Variants in CFAP20DC observed in about 807,000 individuals in gnomAD.
The protein encoded by CFAP20DC is CFAP20 domain containing, also known as protein CFAP20DC.
A neutral mutation model predicts 101.7 loss-of-function variants in CFAP20DC; 84 were observed. That is an observed-to-expected ratio of 0.83 (90% confidence interval 0.69 to 0.99). The LOEUF is 0.99. Among genes scored for constraint, CFAP20DC ranks in the 50% least tolerant of loss-of-function variants. CFAP20DC has a pLI of 0.00. For synonymous variants in CFAP20DC, 359 were observed against 351.2 expected, an observed-to-expected ratio of 1.02 and a Z score of -0.25; for missense variants, 1,007 against 970.3, an observed-to-expected ratio of 1.04 and a Z score of -0.50.
Position 58,935,755 on chromosome 3 carries a change from C to A in CFAP20DC, c.393+1893G>T, listed in dbSNP as rs2087480541. 2.0e-5 allele frequency among the ~76,000 whole-genome samples: 3 copies of A among 152,168 alleles called. 1 individual carries two copies. In the South Asian group the frequency reaches 6.2e-4, roughly 32 times the overall value. Reference sequence around the variant, plus strand: ...CTGAAACTGGATCCCTTCCTTACATCTTATACAAAAATTAATTCAAGGTGG... The same window carrying A: ...CTGAAACTGGATCCCTTCCTTACATATTATACAAAAATTAATTCAAGGTGG... On this transcript the variant is annotated intron_variant, in intron 5 of 16. Coordinates refer to ENST00000482387, the MANE Select transcript of CFAP20DC (RefSeq NM_001394063.1).
At chr3:58,994,031 T>A (rs933016204) in intron 4 of CFAP20DC, among the ~76,000 whole-genome samples, 1 of 152,220 alleles carries the variant, frequency 6.6e-6, no homozygotes, top group African/African-American at 2.4e-5. Context: ...ATGGTTGAAC[T>A]AACTTACACC....
intron 15 of CFAP20DC, among the ~76,000 whole-genome samples, chr3:58,775,059 C>T (rs1438360127): frequency 1.3e-5 from 2 of 152,120 alleles, no homozygotes; most frequent in Non-Finnish European, 2.9e-5. Context: ...AGGATGTGCA[C>T]CCATGACGCA....
At chr3:58,823,334 A>G (rs536637454) in intron 14 of CFAP20DC, among the ~76,000 whole-genome samples, 6 of 152,182 alleles carry the variant, frequency 3.9e-5, no homozygotes, top group Non-Finnish European at 8.8e-5. Flanking sequence ...GAAAGCACCA[A>G]TGAAATAATA....
At chr3:59,023,029 C>T (rs752566457) in intron 4 of CFAP20DC, among the ~76,000 whole-genome samples, 5 of 152,090 alleles carry the variant, frequency 3.3e-5, no homozygotes, top group Admixed American at 6.6e-5. Context: ...GAGAAATGCA[C>T]TTCATACATG....
Position 58,919,638 on chromosome 3 carries a change from C to G in CFAP20DC, c.394-5774G>C, listed in dbSNP as rs547114220. On this transcript the variant is annotated intron_variant, in intron 5 of 16. Transcript: ENST00000482387. The stretch of plus-strand genomic sequence containing the variant: ...CAAATAGTCTTGCAATCCATGAACA[C>G]AGTATCTCTCTCCATTTATGTAGGT... 4.6e-5 allele frequency among the ~76,000 whole-genome samples: 7 copies of G among 152,304 alleles called. No homozygotes were observed. In the East Asian group the frequency reaches 1.3e-3, roughly 29 times the overall value.
At chr3:58,983,057 G>A (rs941067810) in intron 4 of CFAP20DC, among the ~76,000 whole-genome samples, 5 of 152,194 alleles carry the variant, frequency 3.3e-5, no homozygotes, top group African/African-American at 1.2e-4. Flanking sequence ...CCAAAGTGGG[G>A]GGAAAGAATT....
At chr3:58,737,316 A>C, downstream of CFAP20DC, 1 of 442,218 alleles carries the variant, frequency 2.3e-6, no homozygotes, top group Non-Finnish European at 4.5e-6. The surrounding 1 kb of genome is among the most constrained non-coding windows in gnomAD (Gnocchi z 4.1). Context: ...ACACACACAC[A>C]CACACAGACA....
intron 6 of CFAP20DC, among the ~76,000 whole-genome samples, chr3:58,907,502 T>C (rs1243644298): frequency 6.6e-6 from 1 of 152,222 alleles, no homozygotes; most frequent in Admixed American, 6.5e-5. Context: ...TGCATTATCA[T>C]TTATGCACAT....
At chr3:58,735,810 G>A (rs1449074795) in intron 3 of CFAP20DC, among the ~76,000 whole-genome samples, 1 of 152,160 alleles carries the variant, frequency 6.6e-6, no homozygotes, top group Admixed American at 6.5e-5. Flanking sequence ...TATTAAAAAT[G>A]CAAACAGTGA....
chr3:58,984,551 A>G (rs2092688865), intron 4 of CFAP20DC, among the ~76,000 whole-genome samples: 4 of 152,222 alleles, frequency 2.6e-5, no homozygotes, highest in Admixed American at 2.0e-4. Flanking sequence ...GCAAGATTTA[A>G]TTAGCTTACA....
chr3:58,889,520 A>T (rs1368653272), intron 6 of CFAP20DC, among the ~76,000 whole-genome samples: 5 of 148,774 alleles, frequency 3.4e-5, no homozygotes, highest in Non-Finnish European at 5.9e-5. Context: ...CTCATTCGCC[A>T]ATCTTTTTTT....
intron 5 of CFAP20DC, among the ~76,000 whole-genome samples, chr3:58,921,230 C>A (rs2085333833): frequency 6.6e-6 from 1 of 151,830 alleles, no homozygotes; most frequent in Non-Finnish European, 1.5e-5. Flanking sequence ...TCTCCATCAC[C>A]CATTTTTTAT....
intron 15 of CFAP20DC, among the ~76,000 whole-genome samples, chr3:58,781,721 CAA>C (rs1312720578): frequency 1.3e-5 from 2 of 151,970 alleles, no homozygotes; most frequent in African/African-American, 4.8e-5. Context: ...TACAAACTAT[CAA>C]GATTAAATCA....
In CFAP20DC at chr3:58,863,809, A is replaced by C. The variant is rs1348725191; in HGVS notation, c.1342T>G (p.Cys448Gly). ...RQSLLLGDDS[C>G]NPSHLWLEAS... ...TCCAGCCACAGGTGTGATGGGTTGCAGGAGTCATCACCCAGAAGTAGAGAC... is the reference window on the plus strand; with the variant it reads ...TCCAGCCACAGGTGTGATGGGTTGCCGGAGTCATCACCCAGAAGTAGAGAC... The change falls in exon 12 of 17, where the codon TGC (cysteine) becomes GGC (glycine). Residue 448 changes from cysteine (C) to glycine (G), a missense_variant. Transcript: ENST00000482387. This position sits in a 1 kb window ranked among gnomAD's most constrained non-coding sequence, Gnocchi z 5.9. 2.5e-6 allele frequency: 4 copies of C among 1,614,214 alleles called. No homozygotes were observed. In the South Asian group the frequency reaches 4.4e-5, roughly 18 times the overall value.
intron 4 of CFAP20DC, among the ~76,000 whole-genome samples, chr3:58,995,110 T>A (rs1007297242): frequency 2.6e-5 from 4 of 152,202 alleles, no homozygotes; most frequent in Non-Finnish European, 5.9e-5. Context: ...TATCCCTTTT[T>A]CTCTGGAATG....
chr3:58,820,826 G>A (rs1221537110), intron 14 of CFAP20DC, among the ~76,000 whole-genome samples: 15 of 148,724 alleles, frequency 1.0e-4, no homozygotes, highest in Non-Finnish European at 2.1e-4. Context: ...AAAAGAGCCC[G>A]CATCGCCAAG....
In CFAP20DC at chr3:58,930,787, C is replaced by A. The variant is rs116835613; in HGVS notation, c.393+6861G>T. ...TTAAATTAAATTTAAGCAGGACTGGCAGCCAAGATGGCCGAATAGGAACAG... is the reference window on the plus strand; with the variant it reads ...TTAAATTAAATTTAAGCAGGACTGGAAGCCAAGATGGCCGAATAGGAACAG... On this transcript the variant is annotated intron_variant, in intron 5 of 16. Transcript: ENST00000482387. 4.4e-3 allele frequency among the ~76,000 whole-genome samples: 673 copies of A among 152,116 alleles called. 1 individual carries two copies. Among genetic ancestry groups the A allele is most frequent in the Non-Finnish European group, 7.6e-3 (516 of 68,002 alleles).
chr3:58,828,507 T>TGCAGCTGGAGGCCATTATCCTAA (rs1401230753), intron 14 of CFAP20DC, among the ~76,000 whole-genome samples: 5 of 152,176 alleles, frequency 3.3e-5, no homozygotes. Context: ...GCAACATGGA[T>TGCAGCTGGAGGCCATTATCCTAA]GCAGCTGGAG....
In CFAP20DC at chr3:59,001,537, G is replaced by A. The variant is rs58834198; in HGVS notation, c.278+38020C>T. ...AGTGATTCTCCTGCCTCAGCCTCCC[G>A]AATAGCTGGGATTATAGGCATGCGC... is the stretch of plus-strand genomic sequence containing the variant. On this transcript the variant is annotated intron_variant, in intron 4 of 16. Transcript: ENST00000482387. This position sits in a 1 kb window ranked among gnomAD's most constrained non-coding sequence, Gnocchi z 4.5. Among the ~76,000 whole-genome samples, 3,180 of 152,188 alleles carry A rather than the reference G, an allele frequency of 0.021. 104 individuals carry two copies. Among genetic ancestry groups the A allele is most frequent in the African/African-American group, 0.072 (2,977 of 41,522 alleles).
Sources: allele counts gnomAD v4.1 joint callset (sites outside exome capture counted in the v4.1 genomes callset), GRCh38; gene constraint gnomAD v4.1.1; non-coding constraint Gnocchi (gnomAD v3.1); transcripts MANE v1.5; gene names NCBI Gene and HGNC (gene_info 2026-07-23, HGNC 2026-07-21).